ADAMTS16: variants seen among roughly 807,000 people sequenced by gnomAD.
The protein encoded by ADAMTS16 is A disintegrin and metalloproteinase with thrombospondin motifs 16.
Under a neutral mutation model 145.8 loss-of-function variants are expected in ADAMTS16, and 94 were observed. The ratio of observed to expected loss-of-function variants is 0.64; its 90% CI spans 0.55 to 0.77. ADAMTS16 has a LOEUF of 0.77. Among genes scored for constraint, ADAMTS16 ranks in the 30% least tolerant of loss-of-function variants. The pLI is 0.00. For missense variants in ADAMTS16, 1,585 were observed against 1,591.5 expected, an observed-to-expected ratio of 1.00 and a Z score of 0.07; for synonymous variants, 659 against 604.3, an observed-to-expected ratio of 1.09 and a Z score of -1.33.
At chr5:5,189,195 G>A (rs1343286042) in intron 6 of ADAMTS16, among the ~76,000 whole-genome samples, 1 of 152,180 alleles carries the variant, frequency 6.6e-6, no homozygotes, top group Non-Finnish European at 1.5e-5. Context: ...ATTAAACCTG[G>A]TGTTGTCCCA....
intron 8 of ADAMTS16, among the ~76,000 whole-genome samples, chr5:5,198,562 C>T (rs1395754562): frequency 1.3e-5 from 2 of 152,160 alleles, no homozygotes; most frequent in Admixed American, 1.3e-4. Flanking sequence ...TAGTCTTTCT[C>T]CAGTCCTCGG....
chr5:5,253,705 C>G (rs1392254763), intron 17 of ADAMTS16, among the ~76,000 whole-genome samples: 1 of 152,188 alleles, frequency 6.6e-6, no homozygotes, highest in East Asian at 1.9e-4. Context: ...CTGCAACCCA[C>G]ATCTTCGAAG....
At chr5:5,166,233 C>G (rs1375874425) in intron 3 of ADAMTS16, among the ~76,000 whole-genome samples, 1 of 150,842 alleles carries the variant, frequency 6.6e-6, no homozygotes, top group Non-Finnish European at 1.5e-5. Flanking sequence ...TCCCCCTGCC[C>G]CACTCACCAT....
chr5:5,178,422 A>T (rs1224637986), intron 3 of ADAMTS16, among the ~76,000 whole-genome samples: 1 of 152,192 alleles, frequency 6.6e-6, no homozygotes, highest in Non-Finnish European at 1.5e-5. Context: ...AATATTCTTC[A>T]TTCTGATAAG....
At chr5:5,176,550 A>G (rs1197380474) in intron 3 of ADAMTS16, among the ~76,000 whole-genome samples, 1 of 152,158 alleles carries the variant, frequency 6.6e-6, no homozygotes, top group East Asian at 1.9e-4. Flanking sequence ...CAAGGCCAGA[A>G]ATATGGATGT....
At chr5:5,204,583 C>A (rs1178473157) in intron 9 of ADAMTS16, among the ~76,000 whole-genome samples, 1 of 152,170 alleles carries the variant, frequency 6.6e-6, no homozygotes, top group Non-Finnish European at 1.5e-5. Context: ...GAGATTCATC[C>A]TTGTTGCTGC....
At chr5:5,207,379 A>G (rs954041799) in intron 9 of ADAMTS16, among the ~76,000 whole-genome samples, 3 of 152,148 alleles carry the variant, frequency 2.0e-5, no homozygotes, top group South Asian at 2.1e-4. Context: ...TGACTTTTGC[A>G]TATTAAGCTT....
At chr5:5,230,644 TA>T (rs1159594185) in intron 11 of ADAMTS16, among the ~76,000 whole-genome samples, 1 of 152,162 alleles carries the variant, frequency 6.6e-6, no homozygotes, top group African/African-American at 2.4e-5. Flanking sequence ...AATCTTTCAT[TA>T]AAAAATAAGC....
In ADAMTS16 at chr5:5,182,103, C is replaced by G. The variant is rs1180646950; in HGVS notation, c.561C>G (p.Leu187=). Residue 187 remains leucine, a synonymous_variant, in exon 4 of 23, where the codon CTC becomes CTG. Coordinates refer to ENST00000274181, the MANE Select transcript of ADAMTS16 (RefSeq NM_139056.4). The part of the protein sequence containing the change: ...DYFLRPLPSH[L]SWKLGRAAQG... ...TCCTAAGGCCACTTCCTTCACACCT[C>G]TCATGGAAACTCGGCAGAGCTGCCC... 6 of 1,614,016 alleles carry G rather than the reference C, an allele frequency of 3.7e-6. No homozygotes were observed. In the East Asian group the frequency reaches 8.9e-5, roughly 24 times the overall value.
intron 18 of ADAMTS16, among the ~76,000 whole-genome samples, chr5:5,274,424 T>C (rs1738605033): frequency 6.6e-6 from 1 of 152,176 alleles, no homozygotes; most frequent in Non-Finnish European, 1.5e-5. Context: ...CAGTGTTGCC[T>C]TTTCCAGAAT....
intron 17 of ADAMTS16, among the ~76,000 whole-genome samples, chr5:5,251,172 C>A (rs1323537654): frequency 1.3e-5 from 2 of 152,178 alleles, no homozygotes; most frequent in Non-Finnish European, 2.9e-5. Flanking sequence ...TCCTGAGACA[C>A]CCCTCCTTGA....
At position 5,259,878 on chromosome 5, in the gene ADAMTS16, T is replaced by TCACCC. The variant is rs528814440; in HGVS notation, c.2663-2777_2663-2773dup. ...TTTTTATTTTCTTTTAGCATTACTCTCACCCCGCTGTGTCATCCCCTTTCA... is the reference window on the plus strand; with the variant it reads ...TTTTTATTTTCTTTTAGCATTACTCTCACCCCACCCCGCTGTGTCATCCCCTTTCA... On this transcript the variant is annotated intron_variant, in intron 17 of 22. Transcript: ENST00000274181. 5.8e-3 allele frequency among the ~76,000 whole-genome samples: 877 copies of TCACCC among 151,920 alleles called. 9 individuals carry two copies. Among genetic ancestry groups the TCACCC allele is most frequent in the African/African-American group, 0.02 (822 of 41,186 alleles).
At chr5:5,161,946 T>C (rs969012585) in intron 3 of ADAMTS16, among the ~76,000 whole-genome samples, 11 of 152,272 alleles carry the variant, frequency 7.2e-5, no homozygotes, top group African/African-American at 2.6e-4. Context: ...CACATATCCC[T>C]TTTCTCCAAC....
rs1736205723 is a variant in ADAMTS16, at chr5:5,209,080, C to T, written c.1452-13C>T. 1.9e-6 allele frequency: 3 copies of T among 1,610,188 alleles called. No individual in the cohort carries two copies. In the African/African-American group the frequency reaches 4.0e-5, roughly 22 times the overall value. On this transcript the variant is annotated splice_polypyrimidine_tract_variant and intron_variant, in intron 9 of 22. Coordinates refer to ENST00000274181, the MANE Select transcript of ADAMTS16 (RefSeq NM_139056.4). ...CGGGCAGTTACTAGTAGCTCATCTC[C>T]TCTTTGTTTCAGCACCGCTCAAGCT...
chr5:5,208,777 G>C (rs1364792959), intron 9 of ADAMTS16, among the ~76,000 whole-genome samples: 2 of 152,140 alleles, frequency 1.3e-5, no homozygotes, highest in Non-Finnish European at 2.9e-5. Flanking sequence ...TCCATCATAA[G>C]AGCTTCTCAT....
rs1238485130 is a variant in ADAMTS16 at position 5,140,709 on chromosome 5, C to T, written c.118C>T (p.Pro40Ser). ...MGPAAAAPGS[P>S]SVPRPPPPAE... ...ACCCGCAGCGGCAGCGCCTGGGAGC[C>T]CGAGCGTCCCGCGTCCTCCTCCACC... is the stretch of plus-strand genomic sequence containing the variant. Residue 40 changes from proline (P) to serine (S), a missense_variant, in exon 2 of 23, where the codon CCG (proline) becomes TCG (serine). Pro to Ser is a moderately conservative substitution (Grantham distance 74). Transcript: ENST00000274181. 6.4e-7 allele frequency: 1 copy of T among 1,568,532 alleles called. No individual in the cohort carries two copies. The highest frequency in any genetic ancestry group is 8.6e-7 in the Non-Finnish European group (1 of 1,159,212).
intron 3 of ADAMTS16, among the ~76,000 whole-genome samples, chr5:5,147,620 G>C (rs1734338432): frequency 1.3e-5 from 2 of 152,194 alleles, no homozygotes; most frequent in African/African-American, 4.8e-5. Context: ...CCAGGGATAG[G>C]GTGGTGGTTA....
Position 5,215,920 on chromosome 5 carries a change from G to C in ADAMTS16, c.1605+6674G>C, listed in dbSNP as rs544650067. On this transcript the variant is annotated intron_variant, in intron 10 of 22. Coordinates refer to ENST00000274181, the MANE Select transcript of ADAMTS16 (RefSeq NM_139056.4). Reference sequence around the variant, plus strand: ...TATATATATATATATATATATCACAGTTTCTTTGTCCACTTGTTGATTGAT... The same window carrying C: ...TATATATATATATATATATATCACACTTTCTTTGTCCACTTGTTGATTGAT... Among the ~76,000 whole-genome samples, 33 of 109,464 alleles carry C rather than the reference G, an allele frequency of 3.0e-4. 1 individual carries two copies. In the South Asian group the frequency reaches 8.8e-3, roughly 29 times the overall value. 71.8% of individuals were successfully genotyped at this position (109,464 alleles called of 152,430 possible).
intron 8 of ADAMTS16, among the ~76,000 whole-genome samples, chr5:5,197,802 G>T (rs1186317438): frequency 6.6e-6 from 1 of 152,118 alleles, no homozygotes; most frequent in Non-Finnish European, 1.5e-5. Flanking sequence ...TTACAAATGT[G>T]GGCATTGTAC....
Sources: gnomAD v4.1 joint callset for allele counts (sites outside exome capture counted in the v4.1 genomes callset) on GRCh38, gnomAD v4.1.1 for gene constraint, MANE v1.5 for transcripts, NCBI Gene and HGNC (gene_info 2026-07-23, HGNC 2026-07-21) for gene names.